ACBD6: variants seen among roughly 807,000 people sequenced by gnomAD.
ACBD6 encodes the protein acyl-CoA-binding domain-containing protein 6.
Under a neutral mutation model 37.2 loss-of-function variants are expected in ACBD6, and 28 were observed. The observed-to-expected ratio is 0.75, with a 90% CI of 0.56 to 1.03. The LOEUF is 1.03. Among genes scored for constraint, ACBD6 ranks in the 50% least tolerant of loss-of-function variants. The pLI, the probability that ACBD6 is intolerant of heterozygous loss-of-function variation, is 0.00. For synonymous variants in ACBD6, 113 were observed against 126.8 expected, an observed-to-expected ratio of 0.89 and a Z score of 0.73; for missense variants, 340 against 337.4, an observed-to-expected ratio of 1.01 and a Z score of -0.06.
chr1:180,358,183 C>T (rs1652698601), intron 6 of ACBD6, among the ~76,000 whole-genome samples: 1 of 152,172 alleles, frequency 6.6e-6, no homozygotes, highest in African/African-American at 2.4e-5. Flanking sequence ...AATCCCAGCA[C>T]TTTGGGAGGC....
chr1:180,378,031 C>T (rs2101923803), intron 6 of ACBD6, among the ~76,000 whole-genome samples: 1 of 151,718 alleles, frequency 6.6e-6, no homozygotes, highest in South Asian at 2.1e-4. Flanking sequence ...TCAAGTATCT[C>T]ACTCCACCCC....
intron 6 of ACBD6, among the ~76,000 whole-genome samples, chr1:180,316,570 T>G (rs1008909885): frequency 4.6e-5 from 7 of 152,206 alleles, no homozygotes; most frequent in African/African-American, 1.7e-4. Flanking sequence ...TTAATCACTG[T>G]GTTCATATAT....
chr1:180,435,790 C>T (rs1571508047), intron 3 of ACBD6: 1 of 910,854 alleles, frequency 1.1e-6, no homozygotes, highest in East Asian at 2.4e-5. Flanking sequence ...ACAGCTGCTT[C>T]TCGGCTAAAG....
At chr1:180,404,077 A>C (rs1209878523) in intron 5 of ACBD6, among the ~76,000 whole-genome samples, 2 of 152,044 alleles carry the variant, frequency 1.3e-5, no homozygotes, top group East Asian at 3.9e-4. Flanking sequence ...CAGTCTCCCG[A>C]GTAGCTGGGA....
intron 6 of ACBD6, among the ~76,000 whole-genome samples, chr1:180,332,055 T>G (rs1651506590): frequency 6.6e-6 from 1 of 152,192 alleles, no homozygotes. Context: ...GGTACCTTAT[T>G]TGGAAACACA....
chr1:180,353,210 C>G (rs569341577), intron 6 of ACBD6, among the ~76,000 whole-genome samples: 1 of 152,262 alleles, frequency 6.6e-6, no homozygotes, highest in East Asian at 1.9e-4. Flanking sequence ...TAAATATCCA[C>G]AGAATGAATG....
At chr1:180,467,472 A>AAAAAAAAAAAAAAAAAAAAAAAAAC (rs370655998) in intron 3 of ACBD6, among the ~76,000 whole-genome samples, 3 of 114,544 alleles carry the variant, frequency 2.6e-5, no homozygotes, top group Non-Finnish European at 5.0e-5. Context: ...AAAAAAAAAA[A>AAAAAAAAAAAAAAAAAAAAAAAAAC]CAAAAACAAA....
At chr1:180,389,298 A>T (rs1298529521) in intron 6 of ACBD6, among the ~76,000 whole-genome samples, 1 of 152,126 alleles carries the variant, frequency 6.6e-6, no homozygotes, top group Non-Finnish European at 1.5e-5. Context: ...GATGATTTCC[A>T]ATTTCATCCA....
chr1:180,280,180 A>G (rs1474910138), intron 9 of ACBD6, among the ~76,000 whole-genome samples: 3 of 152,106 alleles, frequency 2.0e-5, no homozygotes, highest in African/African-American at 7.2e-5. Context: ...CTTGTTAGGG[A>G]GAGTGGGCAA....
chr1:180,289,918 C>A (rs1558235500), intron 7 of ACBD6, among the ~76,000 whole-genome samples: 1 of 151,892 alleles, frequency 6.6e-6, no homozygotes, highest in African/African-American at 2.4e-5. Context: ...CAAAGGAAAT[C>A]ATTAATTAAT....
chr1:180,500,809 G>A (rs537871372), intron 1 of ACBD6, among the ~76,000 whole-genome samples: 163 of 144,528 alleles, frequency 1.1e-3, no homozygotes, highest in African/African-American at 3.8e-3. Context: ...TGGGAAATGT[G>A]GTGAAACCCA....
intron 3 of ACBD6, among the ~76,000 whole-genome samples, chr1:180,490,943 G>A (rs1279953446): frequency 1.5e-5 from 2 of 132,166 alleles, no homozygotes; most frequent in African/African-American, 5.8e-5. Context: ...GAGTGATAGA[G>A]TGAGACTCTG....
chr1:180,418,446 G>C (rs1291971536), intron 4 of ACBD6, among the ~76,000 whole-genome samples: 2 of 152,034 alleles, frequency 1.3e-5, no homozygotes. Context: ...GGGTGTGGTG[G>C]TGCGTGCCTG....
At chr1:180,305,206 A>G (rs939730025) in intron 7 of ACBD6, among the ~76,000 whole-genome samples, 1 of 152,216 alleles carries the variant, frequency 6.6e-6, no homozygotes, top group Non-Finnish European at 1.5e-5. Flanking sequence ...CTTCATGTCT[A>G]CAACACCCAA....
At chr1:180,475,023 A>G (rs1557886039) in intron 3 of ACBD6, among the ~76,000 whole-genome samples, 1 of 152,214 alleles carries the variant, frequency 6.6e-6, no homozygotes, top group Non-Finnish European at 1.5e-5. Context: ...CACAAACTGA[A>G]TAAATATGAA....
At chr1:180,373,660 G>A (rs1653338870) in intron 6 of ACBD6, among the ~76,000 whole-genome samples, 1 of 152,040 alleles carries the variant, frequency 6.6e-6, no homozygotes, top group South Asian at 2.1e-4. Context: ...ATCAGAAATT[G>A]CTAAATATAC....
At chr1:180,474,099 C>A (rs1045376762) in intron 3 of ACBD6, among the ~76,000 whole-genome samples, 2 of 152,130 alleles carry the variant, frequency 1.3e-5, no homozygotes, top group African/African-American at 4.8e-5. Flanking sequence ...CCAAAGACTA[C>A]CAATTCTTAC....
chr1:180,338,465 G>A (rs1651835906), intron 6 of ACBD6, among the ~76,000 whole-genome samples: 1 of 152,158 alleles, frequency 6.6e-6, no homozygotes, highest in Non-Finnish European at 1.5e-5. Context: ...TGGGAAAACT[G>A]GCTAGCCATA....
chr1:180,475,335 G>C (rs530420966), intron 3 of ACBD6, among the ~76,000 whole-genome samples: 1 of 152,022 alleles, frequency 6.6e-6, no homozygotes, highest in South Asian at 2.1e-4. Flanking sequence ...TGTATCCCCG[G>C]GCAACCACTG....
Sources: allele counts gnomAD v4.1 joint callset (sites outside exome capture counted in the v4.1 genomes callset), GRCh38; gene constraint gnomAD v4.1.1; transcripts MANE v1.5; gene names NCBI Gene and HGNC (gene_info 2026-07-23, HGNC 2026-07-21).